SMC1A: variants seen among roughly 807,000 people sequenced by gnomAD.
SMC1A encodes the protein structural maintenance of chromosomes 1A.
SMC1A carries 4 observed loss-of-function variants against 94.5 expected under a neutral mutation model. That is an observed-to-expected ratio of 0.04 (90% CI 0.02 to 0.10). The LOEUF (loss-of-function observed/expected upper bound fraction) is 0.10, where lower values mean the gene tolerates loss of function less well. SMC1A is among the 10% of genes least tolerant of loss of function. The pLI is 1.00. For missense variants in SMC1A, 304 were observed against 989.0 expected (o/e 0.31, Z 9.29); for synonymous variants, 345 against 347.7 (o/e 0.99, Z 0.09).
intron 22 of SMC1A, 186 bp downstream of exon 22, chrX:53,382,046 G>A (rs782798215): frequency 1.0e-5 from 5 of 501,972 alleles, no homozygotes; most frequent in Non-Finnish European, 1.7e-5. Flanking sequence ...GCAGATGAGG[G>A]TGGATGGGGA....
intron 5 of SMC1A, 88 bp from the exon 6 acceptor site, chrX:53,412,341 C>T: frequency 1.1e-6 from 1 of 934,883 alleles, no homozygotes; most frequent in Non-Finnish European, 1.5e-6. Flanking sequence ...AGCTTGAGCC[C>T]CTGAGCCAAC....
chrX:53,381,108 G>A (rs200302197), intron 22 of SMC1A, 21 bp from the exon 23 acceptor site: 2 of 1,039,130 alleles, frequency 1.9e-6, no homozygotes, highest in African/African-American at 1.9e-5. Flanking sequence ...ACCAGTAGGT[G>A]AGCTGACACT....
chrX:53,411,947 G>A (rs782386523), intron 6 of SMC1A, 46 bp from the exon 7 acceptor site: 4 of 1,211,401 alleles, frequency 3.3e-6, no homozygotes, highest in Admixed American at 2.2e-5. Flanking sequence ...CAAGTCAGCA[G>A]ATGTCAGCCC....
At chrX:53,393,022 C>T (rs1556887482) in intron 19 of SMC1A, among the ~76,000 whole-genome samples, 1 of 111,903 alleles carries the variant, frequency 8.9e-6, no homozygotes, top group African/African-American at 3.3e-5. Context: ...AAGAATACTT[C>T]ATAGCTAATG....
intron 1 of SMC1A, 28 bp from the exon 2 acceptor site, chrX:53,415,197 G>A (rs1556891112): frequency 2.6e-6 from 3 of 1,143,378 alleles, no homozygotes; most frequent in Non-Finnish European, 3.6e-6. Flanking sequence ...AGGCAGTAGA[G>A]GGAAAGTCAG....
rs1556889513 is a variant in SMC1A, at chrX:53,405,233, C to T, written c.2058+12G>A. 1 of 1,210,655 alleles carries T rather than the reference C, an allele frequency of 8.3e-7. No individual in the cohort carries two copies. The highest frequency in any genetic ancestry group is 1.7e-5 in the African/African-American group (1 of 57,383). On this transcript the variant is annotated intron_variant, in intron 12 of 24. Coordinates refer to ENST00000322213, the MANE Select transcript of SMC1A (RefSeq NM_006306.4). Reference sequence around the variant, plus strand: ...ACTCCCACTGCTAAAAACAGCACTGCCTGTGGCTTACTTTCAGCTCCTCTG... The same window carrying T: ...ACTCCCACTGCTAAAAACAGCACTGTCTGTGGCTTACTTTCAGCTCCTCTG...
chrX:53,384,274 T>G (rs1482189160), intron 19 of SMC1A, among the ~76,000 whole-genome samples: 1 of 108,176 alleles, frequency 9.2e-6, no homozygotes, highest in African/African-American at 3.4e-5. Context: ...CTTTTTTTTT[T>G]TTTTTTGGAG....
intron 9 of SMC1A, among the ~76,000 whole-genome samples, chrX:53,408,715 C>T (rs781787436): frequency 9.1e-6 from 1 of 110,245 alleles, no homozygotes; most frequent in African/African-American, 3.3e-5. Flanking sequence ...CCACCTGCTT[C>T]CAAAATCTTT....
chrX:53,384,017 A>C (rs1463016967), intron 19 of SMC1A, among the ~76,000 whole-genome samples: 1 of 111,829 alleles, frequency 8.9e-6, no homozygotes, highest in African/African-American at 3.3e-5. Context: ...CAGGAGATTG[A>C]TAGTTCTTGA....
chrX:53,383,337 G>T (rs2075592390), intron 19 of SMC1A, 84 bp from the exon 20 acceptor site: 2 of 960,065 alleles, frequency 2.1e-6, no homozygotes, highest in Non-Finnish European at 2.9e-6. Context: ...ACTGAGTGTG[G>T]CCTGGGCGCC....
chrX:53,416,005 A>C (rs781992399), intron 1 of SMC1A, among the ~76,000 whole-genome samples: 1 of 111,498 alleles, frequency 9.0e-6, no homozygotes, highest in East Asian at 2.8e-4. Context: ...AACGATGTTA[A>C]AATAATATAA....
intron 20 of SMC1A, 51 bp downstream of exon 20, chrX:53,383,046 C>G (rs367931588): frequency 1.8e-6 from 2 of 1,140,861 alleles, no homozygotes; most frequent in African/African-American, 3.6e-5. Context: ...CCGTGGCATA[C>G]CCTTAGCCTC....
chrX:53,422,035 G>A (rs782061104), intron 1 of SMC1A: 3 of 1,209,176 alleles, frequency 2.5e-6, no homozygotes, highest in Admixed American at 2.2e-5. Flanking sequence ...GAGAGAGGAC[G>A]CTGGGCTGAA....
chrX:53,416,471 A>G (rs2075732865), intron 1 of SMC1A, among the ~76,000 whole-genome samples: 2 of 105,405 alleles, frequency 1.9e-5, no homozygotes, highest in Non-Finnish European at 3.9e-5. Context: ...GCTCACCACA[A>G]CCTCCGACTC....
chrX:53,387,042 C>T (rs2075607079), intron 19 of SMC1A, among the ~76,000 whole-genome samples: 1 of 112,359 alleles, frequency 8.9e-6, no homozygotes, highest in Non-Finnish European at 1.9e-5. Context: ...GTCGCCCAGG[C>T]TGGAGTGCAG....
intron 18 of SMC1A, among the ~76,000 whole-genome samples, chrX:53,395,266 C>T (rs1556887863): frequency 8.9e-6 from 1 of 112,442 alleles, no homozygotes; most frequent in African/African-American, 3.2e-5. Context: ...TCACTTGAAA[C>T]TGGGAGGCGG....
In SMC1A at chrX:53,412,324, A is replaced by G. The variant is rs1340839674; in HGVS notation, c.855-71T>C. 3 of 1,095,641 alleles carry G rather than the reference A, an allele frequency of 2.7e-6. No homozygotes were observed. In the African/African-American group the frequency reaches 5.5e-5, roughly 20 times the overall value. The allele number at this position is 1,095,641 out of a possible 1,213,427, so 90.3% of individuals were successfully genotyped here. ...GGGAGGGTTCCCAGGCTTTTCACCC[A>G]AAGGAGAGCTTGAGCCCCTGAGCCA... On this transcript the variant is annotated intron_variant, in intron 5 of 24. Transcript: ENST00000322213.
At chrX:53,382,767 G>A in intron 20 of SMC1A, 107 bp from the exon 21 acceptor site, 4 of 989,576 alleles carry the variant, frequency 4.0e-6, no homozygotes, top group Non-Finnish European at 5.7e-6. Flanking sequence ...TGCCTGAGGA[G>A]GGTCCCAGAA....
chrX:53,385,778 T>C (rs1047605386), intron 19 of SMC1A, among the ~76,000 whole-genome samples: 38 of 111,820 alleles, frequency 3.4e-4, no homozygotes, highest in African/African-American at 1.2e-3. Flanking sequence ...ATTCTCTTCA[T>C]GTACCTTGTT....
Sources: allele counts gnomAD v4.1 joint callset (sites outside exome capture counted in the v4.1 genomes callset), GRCh38; gene constraint gnomAD v4.1.1; transcripts MANE v1.5; gene names NCBI Gene and HGNC (gene_info 2026-07-23, HGNC 2026-07-21).